The following RBFOX2 variants were observed in gnomAD, a reference collection of about 807,000 sequenced individuals.
RBFOX2 encodes RNA binding protein fox-1 homolog 2.
RBFOX2 carries 10 observed loss-of-function variants against 49.1 expected under a neutral mutation model. The ratio of observed to expected loss-of-function variants is 0.20; its 90% CI spans 0.13 to 0.35. The LOEUF (loss-of-function observed/expected upper bound fraction) is 0.35, where lower values mean the gene tolerates loss of function less well. RBFOX2 is among the 10% of genes least tolerant of loss of function. The pLI is 1.00. For synonymous variants in RBFOX2, 183 were observed against 187.4 expected (o/e 0.98, Z 0.19); for missense variants, 323 against 486.9 (o/e 0.66, Z 3.17).
upstream of RBFOX2, among the ~76,000 whole-genome samples, chr22:35,842,116 C>T (rs1029664244): frequency 6.6e-6 from 1 of 152,184 alleles, no homozygotes; most frequent in Admixed American, 6.5e-5. Context: ...AACATCATTA[C>T]ACCCGCTCCT....
chr22:35,744,082 TTTTTG>T, exon 12 of RBFOX2: 1 of 837,184 alleles, frequency 1.2e-6, no homozygotes, highest in Non-Finnish European at 1.7e-6. Context: ...TTTGTGTTTT[TTTTTG>T]TTTGTTTGTT....
intron 1 of RBFOX2, among the ~76,000 whole-genome samples, chr22:35,878,163 G>A (rs1302977320): frequency 4.6e-5 from 7 of 151,936 alleles, no homozygotes; most frequent in African/African-American, 1.7e-4. Context: ...GTGGGAGGCC[G>A]AGGTTGGTGG....
intron 1 of RBFOX2, among the ~76,000 whole-genome samples, chr22:35,891,842 T>A (rs1232308979): frequency 8.8e-5 from 13 of 147,786 alleles, no homozygotes; most frequent in African/African-American, 3.3e-4. Flanking sequence ...AATAGTACTG[T>A]GCAACGCAAA....
chr22:35,847,640 C>T (rs1417009844), intron 1 of RBFOX2, among the ~76,000 whole-genome samples: 1 of 151,996 alleles, frequency 6.6e-6, no homozygotes, highest in African/African-American at 2.4e-5. Flanking sequence ...GCTTGGGATC[C>T]TTCAATTTAA....
intron 1 of RBFOX2, among the ~76,000 whole-genome samples, chr22:35,974,682 G>GT (rs1440514123): frequency 6.6e-6 from 1 of 152,108 alleles, no homozygotes; most frequent in East Asian, 1.9e-4. Context: ...GCGAGACTCC[G>GT]TATCAAAAAC....
chr22:35,844,327 A>T (rs1201430165), upstream of RBFOX2, among the ~76,000 whole-genome samples: 5 of 152,174 alleles, frequency 3.3e-5, no homozygotes, highest in African/African-American at 1.2e-4. Flanking sequence ...CAGTAAATGA[A>T]TGTTTGTTGA....
chr22:36,023,413 C>G (rs1166668831), intron 1 of RBFOX2, among the ~76,000 whole-genome samples: 2 of 152,184 alleles, frequency 1.3e-5, no homozygotes, highest in Non-Finnish European at 2.9e-5. Flanking sequence ...CAACATTTCA[C>G]TGACACAAAG....
intron 1 of RBFOX2, among the ~76,000 whole-genome samples, chr22:35,923,958 AT>A (rs952902158): frequency 1.3e-5 from 2 of 151,792 alleles, no homozygotes; most frequent in Admixed American, 6.6e-5. Context: ...AAAAAAAAAA[AT>A]TCAAATAAAA....
At chr22:35,980,787 TG>T (rs922869438) in intron 1 of RBFOX2, among the ~76,000 whole-genome samples, 7 of 152,018 alleles carry the variant, frequency 4.6e-5, no homozygotes, top group African/African-American at 1.7e-4. Flanking sequence ...GTTTAGCAGG[TG>T]GGACAGACAA....
intron 1 of RBFOX2, chr22:35,898,160 T>C (rs565355068): frequency 3.6e-5 from 27 of 745,026 alleles, no homozygotes; most frequent in Non-Finnish European, 6.3e-5. Context: ...CGATAGGGTA[T>C]GATCACCTGT....
chr22:35,987,848 T>C (rs920213964), intron 1 of RBFOX2, among the ~76,000 whole-genome samples: 2 of 152,158 alleles, frequency 1.3e-5, no homozygotes, highest in African/African-American at 2.4e-5. Context: ...AAAAATGAGA[T>C]AATACAAAGT....
chr22:35,889,289 A>G (rs56261233), intron 1 of RBFOX2, among the ~76,000 whole-genome samples: 11,651 of 152,242 alleles, frequency 0.077, 466 homozygotes, highest in South Asian at 0.086. Flanking sequence ...GTTTCTCACA[A>G]TAGAGGAAAG....
intron 1 of RBFOX2, among the ~76,000 whole-genome samples, chr22:36,001,438 T>C (rs1275126364): frequency 1.3e-5 from 2 of 152,124 alleles, no homozygotes; most frequent in African/African-American, 4.8e-5. Flanking sequence ...TGTAGAAATG[T>C]TTTTTTAAAA....
At chr22:35,753,696 C>T (rs758794213) in intron 9 of RBFOX2, among the ~76,000 whole-genome samples, 1 of 142,720 alleles carries the variant, frequency 7.0e-6, no homozygotes, top group Non-Finnish European at 1.5e-5. Context: ...TAAAATCTTA[C>T]ATTGTAAAGT....
In RBFOX2 at chr22:35,985,395, T is replaced by G. The variant is rs573941703; in HGVS notation, c.186+42845A>C. On this transcript the variant is annotated intron_variant, in intron 1 of 13. Transcript: ENST00000438146. ...TGTAACACTCACCAGAGGTAAAGAG[T>G]GAAGTGCACAGGTAGAGACTGTGCA... Among the ~76,000 whole-genome samples, 173 of 151,792 alleles carry G rather than the reference T, an allele frequency of 1.1e-3. 1 individual carries two copies. Among genetic ancestry groups the G allele is most frequent in the African/African-American group, 4.0e-3 (166 of 41,368 alleles).
At chr22:35,829,453 G>A (rs938059835) in intron 1 of RBFOX2, among the ~76,000 whole-genome samples, 2 of 151,910 alleles carry the variant, frequency 1.3e-5, no homozygotes, top group African/African-American at 2.4e-5. Flanking sequence ...GCTATAATCT[G>A]AGATTTAAAA....
At chr22:35,879,405 T>G (rs576022194) in intron 1 of RBFOX2, among the ~76,000 whole-genome samples, 1 of 152,228 alleles carries the variant, frequency 6.6e-6, no homozygotes, top group Non-Finnish European at 1.5e-5. Flanking sequence ...CAGAGATTAT[T>G]TAAAGTATAC....
intron 1 of RBFOX2, among the ~76,000 whole-genome samples, chr22:35,885,027 C>T (rs918193996): frequency 1.3e-5 from 2 of 152,146 alleles, no homozygotes; most frequent in Admixed American, 1.3e-4. Flanking sequence ...TGAATATTAT[C>T]TGCAAACATC....
chr22:35,966,780 T>C (rs1603459538), intron 1 of RBFOX2, among the ~76,000 whole-genome samples: 2 of 152,158 alleles, frequency 1.3e-5, no homozygotes, highest in Admixed American at 1.3e-4. Context: ...TCCTACTTTG[T>C]AGTTTGCCTT....
Sources: allele counts gnomAD v4.1 joint callset (sites outside exome capture counted in the v4.1 genomes callset), GRCh38; gene constraint gnomAD v4.1.1; transcripts MANE v1.5; gene names NCBI Gene and HGNC (gene_info 2026-07-23, HGNC 2026-07-21).